STXBP6: variants seen among roughly 807,000 people sequenced by gnomAD.
STXBP6 encodes the protein syntaxin binding protein 6, also known as syntaxin-binding protein 6.
A neutral mutation model predicts 26.9 loss-of-function variants in STXBP6; 21 were observed. The observed-to-expected ratio is 0.78, with a 90% CI of 0.55 to 1.12. STXBP6 has a LOEUF of 1.12. Among genes scored for constraint, STXBP6 ranks in the 50% most tolerant of loss-of-function variants. The probability of loss-of-function intolerance (pLI) is 0.00; values close to 1 mark genes in which losing one functional copy is unlikely to be tolerated. For synonymous variants in STXBP6, 97 were observed against 92.6 expected (o/e 1.05, Z -0.27); for missense variants, 232 against 257.9 (o/e 0.90, Z 0.69).
At chr14:24,916,288 T>C (rs911660932) in intron 2 of STXBP6, among the ~76,000 whole-genome samples, 2 of 152,098 alleles carry the variant, frequency 1.3e-5, no homozygotes, top group African/African-American at 4.8e-5. Flanking sequence ...CCTATTTTAT[T>C]CTTAAATCAG....
Position 24,863,810 on chromosome 14 carries a change from T to C in STXBP6, c.155-6653A>G, listed in dbSNP as rs896054574. ...CCATAGACCTGCAGAGAAAATAAATTTGCATGAATTTTGGATAAAGGGAAC... is the reference window on the plus strand; with the variant it reads ...CCATAGACCTGCAGAGAAAATAAATCTGCATGAATTTTGGATAAAGGGAAC... On this transcript the variant is annotated intron_variant, in intron 2 of 5. Transcript: ENST00000323944. Among the ~76,000 whole-genome samples, 7 of 152,282 alleles carry C rather than the reference T, an allele frequency of 4.6e-5. No homozygotes were observed. In the South Asian group the frequency reaches 1.4e-3, roughly 32 times the overall value.
chr14:25,023,614 G>T (rs1312458105), intron 1 of STXBP6, among the ~76,000 whole-genome samples: 2 of 152,120 alleles, frequency 1.3e-5, no homozygotes, highest in African/African-American at 2.4e-5. Flanking sequence ...TTTGAGACTA[G>T]CCTGGGCAAC....
intron 1 of STXBP6, among the ~76,000 whole-genome samples, chr14:24,984,088 C>T (rs991284876): frequency 4.6e-5 from 7 of 151,986 alleles, no homozygotes; most frequent in South Asian, 2.1e-4. Context: ...AAAAATTAGC[C>T]GGGCGTGGTG....
chr14:24,855,960 T>G lies in STXBP6; in HGVS notation c.427A>C (p.Asn143His), dbSNP rs545004859. 12 of 1,605,384 alleles carry G rather than the reference T, an allele frequency of 7.5e-6. No homozygotes were observed. In the South Asian group the frequency reaches 1.3e-4, roughly 18 times the overall value. The change falls in exon 4 of 6, where the codon AAC (asparagine) becomes CAC (histidine). Residue 143 changes from asparagine (N) to histidine (H), a missense_variant. Transcript: ENST00000323944. ...YLTDRKPEFI[N>H]CQSKIMGGNS... is the part of the protein sequence containing the mutation. ...CCTCCCATAATTTTGGATTGGCAGT[T>G]AATAAACTCTGGCTTCCTGTCCGTG...
intron 4 of STXBP6, chr14:24,819,625 A>C (rs1251005090): frequency 2.8e-6 from 1 of 360,354 alleles, no homozygotes; most frequent in Non-Finnish European, 5.0e-6. Flanking sequence ...GTTTCGGTGA[A>C]TAACCATAGG....
intron 1 of STXBP6, among the ~76,000 whole-genome samples, chr14:25,038,865 A>G (rs1227628904): frequency 6.6e-6 from 1 of 152,152 alleles, no homozygotes; most frequent in African/African-American, 2.4e-5. Flanking sequence ...AGGGGAGGAG[A>G]TGGAGGGACC....
chr14:24,930,938 C>T (rs1265064254), intron 2 of STXBP6, among the ~76,000 whole-genome samples: 4 of 144,780 alleles, frequency 2.8e-5, no homozygotes, highest in African/African-American at 7.8e-5. Context: ...GGTGAAACCC[C>T]ATCTCTACTA....
rs17109209 is a variant in STXBP6 at position 24,874,074 on chromosome 14, C to T, written c.155-16917G>A. 8.5e-3 allele frequency among the ~76,000 whole-genome samples: 1,289 copies of T among 152,208 alleles called. 15 individuals carry two copies. The highest frequency in any genetic ancestry group is 0.029 in the African/African-American group (1,214 of 41,528). On this transcript the variant is annotated intron_variant, in intron 2 of 5. Coordinates refer to ENST00000323944, the MANE Select transcript of STXBP6 (RefSeq NM_001394410.1). ...GTTAGTATTCACTGAGCACTCCAAACGGGAACTTCCAAATTTTAAGTAACG... is the reference window on the plus strand; with the variant it reads ...GTTAGTATTCACTGAGCACTCCAAATGGGAACTTCCAAATTTTAAGTAACG...
intron 2 of STXBP6, among the ~76,000 whole-genome samples, chr14:24,889,045 A>G (rs113976547): frequency 5.9e-5 from 9 of 152,266 alleles, no homozygotes; most frequent in South Asian, 2.1e-4. Flanking sequence ...GAAAAAAATC[A>G]TGAAGATGGT....
At chr14:24,972,026 A>G (rs771068761) in intron 2 of STXBP6, among the ~76,000 whole-genome samples, 3 of 152,226 alleles carry the variant, frequency 2.0e-5, no homozygotes, top group Non-Finnish European at 4.4e-5. Flanking sequence ...TTAAAAAATA[A>G]GGGTGGCTGC....
chr14:24,881,155 G>T, intron 2 of STXBP6, among the ~76,000 whole-genome samples: 1 of 151,502 alleles, frequency 6.6e-6, no homozygotes. Flanking sequence ...ACAGAACAGT[G>T]GGAACTTTGG....
At chr14:24,886,229 T>A (rs1271000431) in intron 2 of STXBP6, among the ~76,000 whole-genome samples, 3 of 152,224 alleles carry the variant, frequency 2.0e-5, no homozygotes, top group Non-Finnish European at 2.9e-5. Context: ...AATTCTCAAT[T>A]GGTGCCAATT....
At chr14:24,850,415 G>C (rs879563223) in intron 4 of STXBP6, among the ~76,000 whole-genome samples, 7 of 152,074 alleles carry the variant, frequency 4.6e-5, no homozygotes, top group Admixed American at 3.3e-4. Context: ...GCATAGAAGC[G>C]TAATGCTTAA....
At chr14:24,852,075 C>T (rs947956729) in intron 4 of STXBP6, among the ~76,000 whole-genome samples, 1 of 152,056 alleles carries the variant, frequency 6.6e-6, no homozygotes, top group African/African-American at 2.4e-5. Flanking sequence ...GACTAGGAGA[C>T]CAGAGACCAG....
intron 2 of STXBP6, chr14:24,878,798 G>C (rs1453974403): frequency 2.2e-6 from 1 of 452,200 alleles, no homozygotes; most frequent in African/African-American, 2.0e-5. Flanking sequence ...TTTCTCCTTT[G>C]AAGCTGACTT....
intron 2 of STXBP6, among the ~76,000 whole-genome samples, chr14:24,898,000 T>G (rs534976843): frequency 6.6e-6 from 1 of 152,216 alleles, no homozygotes; most frequent in African/African-American, 2.4e-5. Context: ...CAATGGTTGT[T>G]TCATCTTTGC....
At chr14:25,020,106 C>G (rs2075234825) in intron 1 of STXBP6, among the ~76,000 whole-genome samples, 1 of 152,126 alleles carries the variant, frequency 6.6e-6, no homozygotes, top group African/African-American at 2.4e-5. Flanking sequence ...CAAAGCTCAT[C>G]ACAGTGACAG....
intron 4 of STXBP6, 113 bp from the exon 5 acceptor site, chr14:24,819,307 C>T (rs872978): frequency 0.11 from 134,501 of 1,238,190 alleles, 11,396 homozygotes; most frequent in African/African-American, 0.41. Flanking sequence ...GCAGAAAGGC[C>T]GCTCGTCTAG....
At chr14:24,918,502 A>ACACACACACACACAC (rs1595108470) in intron 2 of STXBP6, among the ~76,000 whole-genome samples, 1 of 144,752 alleles carries the variant, frequency 6.9e-6, no homozygotes, top group South Asian at 2.2e-4. Context: ...ACACACACAC[A>ACACACACACACACAC]GCAGGCATGG....
Sources: allele counts gnomAD v4.1 joint callset (sites outside exome capture counted in the v4.1 genomes callset), GRCh38; gene constraint gnomAD v4.1.1; transcripts MANE v1.5; gene names NCBI Gene and HGNC (gene_info 2026-07-23, HGNC 2026-07-21).